ADRA1B: variants seen among roughly 807,000 people sequenced by gnomAD.
ADRA1B encodes the protein alpha-1B adrenergic receptor.
ADRA1B carries 17 observed loss-of-function variants against 17.9 expected under a neutral mutation model. The ratio of observed to expected loss-of-function variants is 0.95; its 90% confidence interval spans 0.65 to 1.42. ADRA1B has a LOEUF of 1.42. Ranked by LOEUF, ADRA1B falls within the 40% of genes most tolerant of loss-of-function variation. ADRA1B has a pLI of 0.00. For missense variants in ADRA1B, 681 were observed against 722.1 expected (o/e 0.94, Z 0.65); for synonymous variants, 366 against 327.6 (o/e 1.12, Z -1.27).
intron 1 of ADRA1B, among the ~76,000 whole-genome samples, chr5:159,887,355 A>C (rs1753936373): frequency 6.6e-6 from 1 of 152,222 alleles, no homozygotes; most frequent in Non-Finnish European, 1.5e-5. Flanking sequence ...GGTTAATTTC[A>C]AGAGGGAATG....
intron 1 of ADRA1B, among the ~76,000 whole-genome samples, chr5:159,922,617 T>C (rs937955464): frequency 2.6e-5 from 4 of 152,212 alleles, no homozygotes; most frequent in African/African-American, 9.6e-5. Context: ...CAGGGCTCGA[T>C]GTTCTCCTGT....
At chr5:159,870,441 C>A (rs1261145315) in intron 1 of ADRA1B, 1 of 152,178 alleles carries the variant, frequency 6.6e-6, no homozygotes, top group African/African-American at 2.4e-5. Flanking sequence ...AATCTATAAA[C>A]ATCAATAAAT....
chr5:159,953,650 A>G (rs1755494308), intron 1 of ADRA1B, among the ~76,000 whole-genome samples: 1 of 152,172 alleles, frequency 6.6e-6, no homozygotes, highest in Non-Finnish European at 1.5e-5. Context: ...GCATTGTTTC[A>G]TCTATAAAAT....
At chr5:159,953,698 A>C (rs185750992) in intron 1 of ADRA1B, among the ~76,000 whole-genome samples, 48 of 152,298 alleles carry the variant, frequency 3.2e-4, no homozygotes, top group African/African-American at 1.0e-3. Context: ...GCTTGTGAGG[A>C]CTGAATAATT....
intron 1 of ADRA1B, chr5:159,888,107 A>G (rs1480863226): frequency 6.6e-6 from 1 of 152,240 alleles, no homozygotes. Context: ...AGCTACTAAT[A>G]AAATCTGGAC....
At position 159,944,152 on chromosome 5, in the gene ADRA1B, G is replaced by GT. The variant is rs200976272; in HGVS notation, c.949+26306dup. Among the ~76,000 whole-genome samples the GT allele has an allele frequency of 2.0e-3, 311 of 151,978 alleles. 1 individual carries two copies. The highest frequency in any genetic ancestry group is 0.016 in the East Asian group (81 of 5,158). ...TTTCCTTCTGAACCTTTCATGCAGA[G>GT]TTTTTTTTGTTTTTTAACAAAACTC... On this transcript the variant is annotated intron_variant, in intron 1 of 1. Transcript: ENST00000306675.
At chr5:159,937,880 A>T (rs1385826631) in intron 1 of ADRA1B, 2 of 152,128 alleles carry the variant, frequency 1.3e-5, no homozygotes, top group Non-Finnish European at 2.9e-5. Context: ...GTCTTTAGTG[A>T]CCCATAGTCA....
At chr5:159,883,976 C>A (rs531777938) in intron 1 of ADRA1B, among the ~76,000 whole-genome samples, 1 of 152,262 alleles carries the variant, frequency 6.6e-6, no homozygotes, top group Non-Finnish European at 1.5e-5. Context: ...TTTACTTGAC[C>A]CAGGCCAATT....
At chr5:159,974,248 T>C (rs188634004), downstream of ADRA1B, among the ~76,000 whole-genome samples, 1 of 152,346 alleles carries the variant, frequency 6.6e-6, no homozygotes, top group East Asian at 1.9e-4. Context: ...CTAGTTTCCT[T>C]ATTGCAAATG....
intron 1 of ADRA1B, chr5:159,951,454 C>A: frequency 1.4e-6 from 1 of 735,064 alleles, no homozygotes; most frequent in Non-Finnish European, 2.5e-6. Flanking sequence ...TGAGCAGGTG[C>A]CCAATACATC....
chr5:159,906,200 T>C (rs1409885720), intron 1 of ADRA1B, among the ~76,000 whole-genome samples: 1 of 152,192 alleles, frequency 6.6e-6, no homozygotes, highest in East Asian at 1.9e-4. Context: ...CTGGCCAGAC[T>C]GGCAATCAGA....
intron 1 of ADRA1B, among the ~76,000 whole-genome samples, chr5:159,967,494 G>A (rs1755796482): frequency 6.6e-6 from 1 of 152,166 alleles, no homozygotes; most frequent in East Asian, 1.9e-4. Flanking sequence ...TCTGTGTCAA[G>A]TATTTTACAT....
At chr5:159,908,214 T>G (rs1413772204) in intron 1 of ADRA1B, among the ~76,000 whole-genome samples, 3 of 152,238 alleles carry the variant, frequency 2.0e-5, no homozygotes, top group Non-Finnish European at 4.4e-5. Context: ...CTCTCTGGAC[T>G]GCCTGTGCTC....
rs79851074 is a variant in ADRA1B at position 159,882,112 on chromosome 5, G to T, written c.-256+16906G>T. 2.8e-3 allele frequency among the ~76,000 whole-genome samples: 420 copies of T among 152,274 alleles called. 3 individuals carry two copies. The highest frequency in any genetic ancestry group is 9.6e-3 in the African/African-American group (400 of 41,554). ...TGCATAAAGTTTGTATGTGTGCAGTGCTGAGGCTTATGCAGTAGGGAGGGG... is the reference window on the plus strand; with the variant it reads ...TGCATAAAGTTTGTATGTGTGCAGTTCTGAGGCTTATGCAGTAGGGAGGGG... On this transcript the variant is annotated intron_variant, in intron 1 of 2. Coordinates refer to the ADRA1B transcript ENST00000641205.
chr5:159,962,566 G>C (rs758126876), intron 1 of ADRA1B, among the ~76,000 whole-genome samples: 1 of 152,014 alleles, frequency 6.6e-6, no homozygotes, highest in African/African-American at 2.4e-5. Context: ...ATCCCACCCT[G>C]CTCAGGGAGC....
intron 1 of ADRA1B, among the ~76,000 whole-genome samples, chr5:159,890,033 C>A (rs1318783312): frequency 6.6e-6 from 1 of 152,202 alleles, no homozygotes; most frequent in Non-Finnish European, 1.5e-5. Flanking sequence ...AGGCTGCCAG[C>A]CTCCAGCATC....
chr5:159,903,693 C>A (rs1754126479), intron 1 of ADRA1B, among the ~76,000 whole-genome samples: 1 of 152,150 alleles, frequency 6.6e-6, no homozygotes, highest in Admixed American at 6.5e-5. Context: ...CCCAGACAGG[C>A]TCTCTTACTG....
At chr5:159,958,503 A>G (rs1218625905) in intron 1 of ADRA1B, among the ~76,000 whole-genome samples, 1 of 152,084 alleles carries the variant, frequency 6.6e-6, no homozygotes, top group Non-Finnish European at 1.5e-5. Context: ...AGCTGAGTTT[A>G]CCCATTTTCC....
At chr5:159,881,131 G>C (rs942477322) in intron 1 of ADRA1B, among the ~76,000 whole-genome samples, 1 of 133,358 alleles carries the variant, frequency 7.5e-6, no homozygotes, top group African/African-American at 2.9e-5. Context: ...CCGAGATTGC[G>C]CCACTGCAGT....
Sources: allele counts gnomAD v4.1 joint callset (sites outside exome capture counted in the v4.1 genomes callset), GRCh38; gene constraint gnomAD v4.1.1; transcripts MANE v1.5; gene names NCBI Gene and HGNC (gene_info 2026-07-23, HGNC 2026-07-21).